TMC1: variants seen among roughly 807,000 people sequenced by gnomAD.
TMC1 encodes the protein transmembrane channel-like protein 1.
TMC1 carries 84 observed loss-of-function variants against 105.8 expected under a neutral mutation model. The ratio of observed to expected loss-of-function variants is 0.79; its 90% confidence interval spans 0.67 to 0.95. TMC1 has a LOEUF of 0.95. TMC1 is among the 40% of genes least tolerant of loss of function. The pLI, the probability that TMC1 is intolerant of heterozygous loss-of-function variation, is 0.00. For missense variants in TMC1, 817 were observed against 914.1 expected (o/e 0.89, Z 1.37); for synonymous variants, 315 against 311.5 (o/e 1.01, Z -0.12).
chr9:72,644,096 T>G (rs879645515), intron 4 of TMC1, among the ~76,000 whole-genome samples: 1 of 152,168 alleles, frequency 6.6e-6, no homozygotes, highest in Admixed American at 6.6e-5. Flanking sequence ...TGTTTAATAA[T>G]TGATACATTT....
At chr9:72,720,589 G>GGTAC (rs1303189971) in intron 8 of TMC1, among the ~76,000 whole-genome samples, 2 of 152,204 alleles carry the variant, frequency 1.3e-5, no homozygotes, top group African/African-American at 4.8e-5. Flanking sequence ...CCATTGGAAT[G>GGTAC]AATGACACAG....
At chr9:72,766,620 G>A (rs1827843204) in intron 12 of TMC1, among the ~76,000 whole-genome samples, 1 of 152,106 alleles carries the variant, frequency 6.6e-6, no homozygotes, top group Non-Finnish European at 1.5e-5. Context: ...AGGGGGACAA[G>A]AGTACCAATG....
intron 5 of TMC1, among the ~76,000 whole-genome samples, chr9:72,650,710 T>C (rs1266982784): frequency 1.3e-5 from 2 of 151,542 alleles, no homozygotes; most frequent in Non-Finnish European, 2.9e-5. Context: ...TTTGTTTTCA[T>C]AAGTTCTTAT....
chr9:72,742,423 T>G, intron 9 of TMC1, 21 bp from the exon 10 acceptor site: 1 of 1,606,660 alleles, frequency 6.2e-7, no homozygotes, highest in Non-Finnish European at 8.5e-7. Flanking sequence ...ACTTTACTTT[T>G]GTATTTGACT....
rs1345315143 is a variant in TMC1 at position 72,740,127 on chromosome 9, A to G, written c.371A>G (p.Lys124Arg). 2.5e-6 allele frequency: 4 copies of G among 1,613,440 alleles called. No homozygotes were observed. Among genetic ancestry groups the G allele is most frequent in the Admixed American group, 3.3e-5 (2 of 59,984 alleles). The change falls in exon 9 of 24, where the codon AAA becomes AGA. Residue 124 changes from lysine to arginine, a missense_variant. By Grantham distance (26) the Lys-to-Arg change is conservative. Transcript: ENST00000297784. The part of the protein sequence containing the change: ...EKKIEVLKEA[K>R]KFVSENEGAL... ...TATTTTTATTTTCTCAGGGAGGCAAAAAAATTTGTGAGTGAAAATGAAGGG... is the reference window on the plus strand; with the variant it reads ...TATTTTTATTTTCTCAGGGAGGCAAGAAAATTTGTGAGTGAAAATGAAGGG...
intron 8 of TMC1, among the ~76,000 whole-genome samples, chr9:72,701,585 A>G (rs954702675): frequency 6.6e-6 from 1 of 152,174 alleles, no homozygotes; most frequent in Non-Finnish European, 1.5e-5. Context: ...TTAACTAGTA[A>G]TGCTGTAAAA....
chr9:72,826,898 G>C lies in TMC1; in HGVS notation c.2033G>C (p.Gly678Ala). Residue 678 changes from glycine to alanine, a missense_variant, in exon 21 of 24, where the codon GGA becomes GCA. By Grantham distance (60) the Gly-to-Ala change is moderately conservative. Coordinates refer to ENST00000297784, the MANE Select transcript of TMC1 (RefSeq NM_138691.3). ...AAAAATAGAATGTTTGAAGTCATTG[G>C]AGAGACCCTGGAGCACGATTTCCCA... is the stretch of plus-strand genomic sequence containing the variant. The part of the protein sequence containing the change: ...SGKNRMFEVI[G>A]ETLEHDFPSW... 1.2e-6 allele frequency: 2 copies of C among 1,614,002 alleles called. No individual in the cohort carries two copies. The highest frequency in any genetic ancestry group is 1.1e-5 in the South Asian group (1 of 91,076).
intron 1 of TMC1, among the ~76,000 whole-genome samples, chr9:72,542,318 G>A (rs369224405): frequency 4.6e-5 from 7 of 152,254 alleles, no homozygotes; most frequent in African/African-American, 7.2e-5. Flanking sequence ...CAAATTAGCC[G>A]GGTGTGGTGG....
intron 1 of TMC1, among the ~76,000 whole-genome samples, chr9:72,573,965 CCA>C (rs1824332197): frequency 1.3e-5 from 2 of 152,130 alleles, no homozygotes; most frequent in African/African-American, 4.8e-5. Flanking sequence ...CAAGTAGACC[CCA>C]GAGTCTGTTG....
At chr9:72,527,973 C>T (rs1823434140) in intron 1 of TMC1, among the ~76,000 whole-genome samples, 1 of 152,172 alleles carries the variant, frequency 6.6e-6, no homozygotes, top group African/African-American at 2.4e-5. Flanking sequence ...TTCCCCCCTC[C>T]CCGACTCCAG....
intron 2 of TMC1, among the ~76,000 whole-genome samples, chr9:72,602,093 T>G (rs991217024): frequency 1.3e-5 from 2 of 152,162 alleles, no homozygotes; most frequent in Non-Finnish European, 2.9e-5. Flanking sequence ...TGGTGTCAAG[T>G]CAATGCTCAA....
chr9:72,828,895 G>C (rs1354839334), intron 21 of TMC1, among the ~76,000 whole-genome samples: 1 of 152,160 alleles, frequency 6.6e-6, no homozygotes, highest in Non-Finnish European at 1.5e-5. Context: ...GCAAAATTGA[G>C]GCTCTTAATT....
intron 1 of TMC1, among the ~76,000 whole-genome samples, chr9:72,538,155 G>GA (rs35243551): frequency 1.2e-3 from 152 of 124,398 alleles, no homozygotes; most frequent in Non-Finnish European, 1.7e-3. Flanking sequence ...GACCCTGTCT[G>GA]AAAAAAAAAA....
At position 72,829,684 on chromosome 9, in the gene TMC1, T is replaced by C. The variant is rs113655739; in HGVS notation, c.2130-767T>C. Among the ~76,000 whole-genome samples the C allele has an allele frequency of 6.6e-4, 101 of 152,328 alleles. 1 individual carries two copies. The highest frequency in any genetic ancestry group is 2.3e-3 in the African/African-American group (97 of 41,562). ...AGATGGTTCATAAAGGATACTGTCTTTCATTTTGGGGAGTAGAGGAAATGT... is the reference window on the plus strand; with the variant it reads ...AGATGGTTCATAAAGGATACTGTCTCTCATTTTGGGGAGTAGAGGAAATGT... On this transcript the variant is annotated intron_variant, in intron 21 of 23. Coordinates refer to ENST00000297784, the MANE Select transcript of TMC1 (RefSeq NM_138691.3).
intron 8 of TMC1, among the ~76,000 whole-genome samples, chr9:72,710,793 T>C (rs1388899401): frequency 6.6e-6 from 1 of 152,178 alleles, no homozygotes; most frequent in African/African-American, 2.4e-5. Flanking sequence ...ATACTTTTTT[T>C]TTAAATTATA....
Position 72,835,934 on chromosome 9 carries a change from T to TTTA in TMC1, c.2261-16_2261-15insTAT. On this transcript the variant is annotated splice_polypyrimidine_tract_variant and intron_variant, in intron 23 of 23. Coordinates refer to ENST00000297784, the MANE Select transcript of TMC1 (RefSeq NM_138691.3). ...CTCCTTGTTTTTTTTTTTTTTTTTT[T>TTTA]TCTGTTTTGTGAACAGCTGCAGCTG... 5 of 1,565,828 alleles carry TTTA rather than the reference T, an allele frequency of 3.2e-6. No individual in the cohort carries two copies. The highest frequency in any genetic ancestry group is 1.4e-5 in the African/African-American group (1 of 70,496).
intron 5 of TMC1, among the ~76,000 whole-genome samples, chr9:72,658,332 T>TAA (rs76389787): frequency 1.4e-4 from 19 of 132,000 alleles, no homozygotes; most frequent in Middle Eastern, 3.8e-3. Flanking sequence ...AGACTCCGTC[T>TAA]AAAAAAAAAA....
At chr9:72,638,389 G>A (rs573489097) in intron 4 of TMC1, among the ~76,000 whole-genome samples, 29 of 151,824 alleles carry the variant, frequency 1.9e-4, no homozygotes, top group Non-Finnish European at 3.7e-4. Flanking sequence ...CCAATTCATC[G>A]GCTGGATTTG....
intron 19 of TMC1, among the ~76,000 whole-genome samples, chr9:72,819,545 A>G (rs1465110005): frequency 6.6e-6 from 1 of 152,210 alleles, no homozygotes; most frequent in Non-Finnish European, 1.5e-5. Flanking sequence ...GTCTTTGTTC[A>G]ATTCATTATG....
Sources: allele counts gnomAD v4.1 joint callset (sites outside exome capture counted in the v4.1 genomes callset), GRCh38; gene constraint gnomAD v4.1.1; transcripts MANE v1.5; gene names NCBI Gene and HGNC (gene_info 2026-07-23, HGNC 2026-07-21).